Variants in CTNNB1 observed in about 807,000 individuals in gnomAD.
CTNNB1 encodes catenin beta-1.
In CTNNB1, 6 loss-of-function variants were observed where a neutral mutation model predicts 82.5. The observed-to-expected ratio is 0.07, with a 90% CI of 0.04 to 0.14. The LOEUF (loss-of-function observed/expected upper bound fraction) is 0.14, where lower values mean the gene tolerates loss of function less well. Among genes scored for constraint, CTNNB1 ranks in the 10% least tolerant of loss-of-function variants. The pLI is 1.00. For synonymous variants in CTNNB1, 312 were observed against 329.7 expected (o/e 0.95, Z 0.58); for missense variants, 529 against 980.4 (o/e 0.54, Z 6.15).
rs546996845 is a variant in CTNNB1 at position 41,200,043 on chromosome 3, G to T, written c.-49+373G>T. Reference sequence around the variant, plus strand: ...TTGGGGGAGGGACCCGGTGCCTCGGGATGCGCCGGGCCCTGGGTGGGGGGC... The same window carrying T: ...TTGGGGGAGGGACCCGGTGCCTCGGTATGCGCCGGGCCCTGGGTGGGGGGC... On this transcript the variant is annotated intron_variant, in intron 1 of 14. Transcript: ENST00000349496. 7.3e-5 allele frequency: 10 copies of T among 136,484 alleles called. No homozygotes were observed. The South Asian group carries it at 2.9e-3, about 39-fold the overall frequency. The allele number at this position is 136,484 out of a possible 1,614,324, so 8.5% of individuals were successfully genotyped here.
At chr3:41,200,802 A>G (rs2077512517) in intron 1 of CTNNB1, among the ~76,000 whole-genome samples, 1 of 152,064 alleles carries the variant, frequency 6.6e-6, no homozygotes, top group Admixed American at 6.5e-5. Context: ...GGGTGTATGT[A>G]GTTGTTGCCT....
At chr3:41,229,543 T>C (rs977350912) in intron 7 of CTNNB1, among the ~76,000 whole-genome samples, 1 of 152,190 alleles carries the variant, frequency 6.6e-6, no homozygotes, top group African/African-American at 2.4e-5. Flanking sequence ...TTCTGACTTT[T>C]GTACATTGAT....
At position 41,239,986 on chromosome 3, in the gene CTNNB1, C is replaced by CTTTTTTTTTTTTTTTTTTTTTTTTTT. The variant is rs1207330730; in HGVS notation, c.*669_*670insTTTTTTTTTTTTTTTTTTTTTTTTTT. On this transcript the variant is annotated 3_prime_UTR_variant, in exon 15 of 15. Transcript: ENST00000349496. ...TGACTTTGCTTGCTTTGAAGTAGCT[C>CTTTTTTTTTTTTTTTTTTTTTTTTTT]TTTTTTTTTTTTTTTTTTTTTTTTT... 6 of 30,590 alleles carry CTTTTTTTTTTTTTTTTTTTTTTTTTT rather than the reference C, an allele frequency of 2.0e-4. No individual in the cohort carries two copies. Among genetic ancestry groups the CTTTTTTTTTTTTTTTTTTTTTTTTTT allele is most frequent in the African/African-American group, 3.4e-4 (3 of 8,812 alleles). The allele number at this position is 30,590 out of a possible 1,614,324, so 1.9% of individuals were successfully genotyped here. A position where few individuals can be genotyped will look rare whatever the true frequency, so the allele number is the denominator to read the frequency against.
intron 1 of CTNNB1, among the ~76,000 whole-genome samples, chr3:41,220,322 A>G (rs149663872): frequency 0.041 from 6,263 of 152,136 alleles, 190 homozygotes; most frequent in Non-Finnish European, 0.059. Flanking sequence ...ACCAAGGGTC[A>G]TTTGATGTTT....
chr3:41,218,511 T>A (rs1052770082), intron 1 of CTNNB1, among the ~76,000 whole-genome samples: 1 of 152,210 alleles, frequency 6.6e-6, no homozygotes, highest in African/African-American at 2.4e-5. Flanking sequence ...AGTTTTTGTA[T>A]GTAATTGTGA....
At chr3:41,220,988 C>T (rs560962446) in intron 1 of CTNNB1, 9 of 152,188 alleles carry the variant, frequency 5.9e-5, no homozygotes, top group South Asian at 2.1e-4. Flanking sequence ...GGAAATAGCA[C>T]GGTGAATTTT....
chr3:41,217,789 C>A lies in CTNNB1; in HGVS notation c.-48-6232C>A, dbSNP rs557022153. ...ACATCCTTTGTATATATTCATTGCTCACTTTATGTTTTTCCTTTGAAATGT... is the reference window on the plus strand; with the variant it reads ...ACATCCTTTGTATATATTCATTGCTAACTTTATGTTTTTCCTTTGAAATGT... On this transcript the variant is annotated intron_variant, in intron 1 of 14. Transcript: ENST00000349496. 5.3e-5 allele frequency among the ~76,000 whole-genome samples: 8 copies of A among 152,284 alleles called. No individual in the cohort carries two copies. The East Asian group carries it at 1.3e-3, about 26-fold the overall frequency.
In CTNNB1 at chr3:41,235,759, T is replaced by C. The variant is rs1334774883; in HGVS notation, c.1719T>C (p.Cys573=). 1 of 1,614,058 alleles carries C rather than the reference T, an allele frequency of 6.2e-7. No homozygotes were observed. The highest frequency in any genetic ancestry group is 1.3e-5 in the African/African-American group (1 of 74,936). The change falls in exon 11 of 15, where the codon TGT becomes TGC. Residue 573 remains cysteine (C), a synonymous_variant. Transcript: ENST00000349496. ...GCATGGAAGAAATAGTTGAAGGTTG[T>C]ACCGGAGCCCTTCACATCCTAGCTC... ...GVRMEEIVEG[C]TGALHILARD...
intron 1 of CTNNB1, among the ~76,000 whole-genome samples, chr3:41,206,584 TTACTG>T (rs2077653902): frequency 6.6e-6 from 1 of 152,146 alleles, no homozygotes; most frequent in Non-Finnish European, 1.5e-5. Flanking sequence ...TAATTTTCCT[TTACTG>T]TGAAGTAAAC....
chr3:41,237,900 G>A, intron 13 of CTNNB1, 116 bp from the exon 14 acceptor site: 1 of 838,734 alleles, frequency 1.2e-6, no homozygotes, highest in Non-Finnish European at 2.1e-6. Context: ...TTTGTGTAAT[G>A]TTGGAGTTAC....
rs2125623177 is a variant in CTNNB1 at position 41,225,499 on chromosome 3, C to T, written c.661C>T (p.Leu221Phe). The T allele has an allele frequency of 6.2e-7, 1 of 1,614,040 alleles. No individual in the cohort carries two copies. The highest frequency in any genetic ancestry group is 1.3e-5 in the African/African-American group (1 of 75,046). ...ARCTAGTLHN[L>F]SHHREGLLAI... The stretch of plus-strand genomic sequence containing the variant: ...TTGTACCGCTGGGACCTTGCATAAC[C>T]TTTCCCATCATCGTGAGGGCTTACT... Residue 221 changes from leucine (L) to phenylalanine (F), a missense_variant, in exon 5 of 15, where the codon CTT (leucine) becomes TTT (phenylalanine). Physicochemically the swap from Leu to Phe is conservative, Grantham distance 22. Transcript: ENST00000349496. The surrounding 1 kb of genome is among the most constrained non-coding windows in gnomAD (Gnocchi z 5.3).
chr3:41,214,237 G>T (rs2125599827), intron 1 of CTNNB1, among the ~76,000 whole-genome samples: 1 of 152,144 alleles, frequency 6.6e-6, no homozygotes, highest in South Asian at 2.1e-4. Context: ...AAAATACAAT[G>T]CCAGGGCCCT....
In CTNNB1 at chr3:41,236,583, C is replaced by A. The variant is rs779228187; in HGVS notation, c.1955-5C>A. 1.9e-6 allele frequency: 3 copies of A among 1,614,208 alleles called. No individual in the cohort carries two copies. In the African/African-American group the frequency reaches 4.0e-5, roughly 22 times the overall value. On this transcript the variant is annotated splice_region_variant and splice_polypyrimidine_tract_variant and intron_variant, in intron 12 of 14. Transcript: ENST00000349496. ...CTCAAGGGCCTTTTTCTCCTTGTCT[C>A]TTAGCGACATATGCAGCTGCTGTTT...
Position 41,238,027 on chromosome 3 carries a change from T to C in CTNNB1, c.2088T>C (p.Leu696=). ...GCATGTTTATCTAGACTGCTGATCT[T>C]GGACTTGATATTGGTGCCCAGGGAG... ...EPMAWNETAD[L]GLDIGAQGEP... is the part of the protein sequence containing the mutation. The change falls in exon 14 of 15, where the codon CTT becomes CTC. Residue 696 remains leucine (L), a synonymous_variant. Coordinates refer to ENST00000349496, the MANE Select transcript of CTNNB1 (RefSeq NM_001904.4). The C allele has an allele frequency of 2.5e-6, 4 of 1,613,962 alleles. No homozygotes were observed. The highest frequency in any genetic ancestry group is 3.4e-6 in the Non-Finnish European group (4 of 1,179,836).
At chr3:41,202,112 T>C (rs1272011790) in intron 1 of CTNNB1, among the ~76,000 whole-genome samples, 2 of 152,212 alleles carry the variant, frequency 1.3e-5, no homozygotes, top group African/African-American at 2.4e-5. Context: ...TTTGTAGTTA[T>C]AAGTAGCAGT....
chr3:41,219,859 G>C (rs973286946), intron 1 of CTNNB1, among the ~76,000 whole-genome samples: 3 of 152,148 alleles, frequency 2.0e-5, no homozygotes, highest in Non-Finnish European at 4.4e-5. Context: ...CAGCATTGTT[G>C]GAATAATAGA....
intron 7 of CTNNB1, among the ~76,000 whole-genome samples, chr3:41,227,707 T>C (rs373860769): frequency 2.6e-5 from 4 of 152,316 alleles, no homozygotes; most frequent in Non-Finnish European, 5.9e-5. Context: ...GATTGCTTTA[T>C]TAGTAGATGC....
chr3:41,226,465 C>G (rs1301953069), intron 6 of CTNNB1, among the ~76,000 whole-genome samples: 1 of 151,980 alleles, frequency 6.6e-6, no homozygotes, highest in Non-Finnish European at 1.5e-5. Flanking sequence ...GTTCAGTGTT[C>G]AAGGATGAGA....
At chr3:41,205,608 G>A (rs1434874116) in intron 1 of CTNNB1, among the ~76,000 whole-genome samples, 15 of 152,020 alleles carry the variant, frequency 9.9e-5, no homozygotes, top group African/African-American at 3.1e-4. Flanking sequence ...CCTGGGAAGC[G>A]GAGGTTGCAG....
Sources: gnomAD v4.1 joint callset for allele counts (sites outside exome capture counted in the v4.1 genomes callset) on GRCh38, gnomAD v4.1.1 for gene constraint, Gnocchi (gnomAD v3.1) non-coding constraint, MANE v1.5 for transcripts, NCBI Gene and HGNC (gene_info 2026-07-23, HGNC 2026-07-21) for gene names.